Variants in CNTNAP5 observed in about 807,000 individuals in gnomAD.
CNTNAP5 encodes the protein contactin associated protein family member 5, also known as contactin-associated protein-like 5.
Under a neutral mutation model 150.2 loss-of-function variants are expected in CNTNAP5, and 72 were observed. The observed-to-expected ratio is 0.48, with a 90% CI of 0.40 to 0.58. The LOEUF (loss-of-function observed/expected upper bound fraction) is 0.58. CNTNAP5 is among the 20% of genes least tolerant of loss of function. CNTNAP5 has a pLI of 0.00. For synonymous variants in CNTNAP5, 672 were observed against 619.8 expected (o/e 1.08, Z -1.25); for missense variants, 1,636 against 1,626.2 (o/e 1.01, Z -0.10).
At chr2:124,435,450 T>A (rs1692506485) in intron 5 of CNTNAP5, among the ~76,000 whole-genome samples, 1 of 151,902 alleles carries the variant, frequency 6.6e-6, no homozygotes, top group Admixed American at 6.6e-5. Context: ...AGGAGCACAG[T>A]TCCCAAGGAT....
intron 13 of CNTNAP5, among the ~76,000 whole-genome samples, chr2:124,650,071 C>T (rs1167960892): frequency 6.6e-6 from 1 of 152,170 alleles, no homozygotes; most frequent in African/African-American, 2.4e-5. Flanking sequence ...AGACATTCTT[C>T]CATGTGTATA....
At chr2:124,802,820 C>T (rs1242711489) in intron 19 of CNTNAP5, among the ~76,000 whole-genome samples, 2 of 152,100 alleles carry the variant, frequency 1.3e-5, no homozygotes, top group Non-Finnish European at 2.9e-5. Context: ...AAGGATCCTT[C>T]CCTGGCTTTA....
intron 1 of CNTNAP5, among the ~76,000 whole-genome samples, chr2:124,153,937 A>G (rs1033146753): frequency 2.6e-5 from 4 of 151,744 alleles, no homozygotes; most frequent in Admixed American, 2.6e-4. Context: ...CTTTTTTTTA[A>G]TAGGACATTA....
At position 124,651,950 on chromosome 2, in the gene CNTNAP5, G is replaced by A. The variant is rs541284805; in HGVS notation, c.2077+3992G>A. Among the ~76,000 whole-genome samples the A allele has an allele frequency of 2.6e-5, 4 of 152,270 alleles. No individual in the cohort carries two copies. The South Asian group carries it at 6.2e-4, about 24-fold the overall frequency. ...CTGCCTGCTCTCGGCTCCAGCAAGG[G>A]CTCTGGTTCCATTCATTTAGCAGCG... On this transcript the variant is annotated intron_variant, in intron 13 of 23. Coordinates refer to ENST00000682447, the MANE Select transcript of CNTNAP5 (RefSeq NM_001367498.1).
chr2:124,162,977 G>T (rs1684722329), intron 1 of CNTNAP5, among the ~76,000 whole-genome samples: 1 of 150,594 alleles, frequency 6.6e-6, no homozygotes, highest in Non-Finnish European at 1.5e-5. Context: ...GTCATCCCTT[G>T]AAGTTGACAA....
At chr2:124,905,119 T>G (rs565810023) in intron 22 of CNTNAP5, among the ~76,000 whole-genome samples, 34 of 121,092 alleles carry the variant, frequency 2.8e-4, no homozygotes, top group African/African-American at 1.0e-3. Context: ...TTTTTTTGTT[T>G]TTTTTTGTTT....
chr2:124,057,789 G>A (rs1470158343), intron 1 of CNTNAP5, among the ~76,000 whole-genome samples: 1 of 151,902 alleles, frequency 6.6e-6, no homozygotes, highest in Non-Finnish European at 1.5e-5. Flanking sequence ...GTGTGGAGAG[G>A]TAGAAAATGG....
At chr2:124,264,364 A>G (rs114967395) in intron 3 of CNTNAP5, among the ~76,000 whole-genome samples, 1 of 136,088 alleles carries the variant, frequency 7.3e-6, no homozygotes, top group Non-Finnish European at 1.5e-5. Flanking sequence ...CCCTTCCCCC[A>G]CACACACAGG....
intron 19 of CNTNAP5, among the ~76,000 whole-genome samples, chr2:124,863,944 T>C (rs2104718681): frequency 6.6e-6 from 1 of 152,292 alleles, no homozygotes; most frequent in South Asian, 2.1e-4. Context: ...CAATTCCAAT[T>C]ATTTTCCATT....
At chr2:124,700,466 A>T (rs931601326) in intron 13 of CNTNAP5, among the ~76,000 whole-genome samples, 2 of 152,086 alleles carry the variant, frequency 1.3e-5, no homozygotes, top group African/African-American at 4.8e-5. Flanking sequence ...ACCATTTTAC[A>T]TTTTTATTAG....
At chr2:124,630,643 A>G (rs1293871811) in intron 12 of CNTNAP5, among the ~76,000 whole-genome samples, 1 of 152,212 alleles carries the variant, frequency 6.6e-6, no homozygotes, top group African/African-American at 2.4e-5. Context: ...AACTGGAAGC[A>G]TTCCCCTTAA....
In CNTNAP5 at chr2:124,487,828, G is replaced by A. The variant is rs559716877; in HGVS notation, c.1062+12946G>A. 1.5e-3 allele frequency among the ~76,000 whole-genome samples: 223 copies of A among 151,878 alleles called. 1 individual carries two copies. Among genetic ancestry groups the A allele is most frequent in the Middle Eastern group, 0.01 (3 of 292 alleles). ...CCCCCATGTTTTTACCCACAAAATC[G>A]AATGCTTATACTAGGATTTGACAAT... On this transcript the variant is annotated intron_variant, in intron 7 of 23. Transcript: ENST00000682447.
At chr2:124,662,914 G>T (rs1433043719) in intron 13 of CNTNAP5, among the ~76,000 whole-genome samples, 1 of 152,112 alleles carries the variant, frequency 6.6e-6, no homozygotes, top group African/African-American at 2.4e-5. Flanking sequence ...TCTTTATGGA[G>T]GAAACACTTA....
chr2:124,848,015 G>C (rs1683083953), intron 19 of CNTNAP5, among the ~76,000 whole-genome samples: 1 of 152,004 alleles, frequency 6.6e-6, no homozygotes, highest in Non-Finnish European at 1.5e-5. Flanking sequence ...TGACTAATAA[G>C]GATTGAATAC....
At chr2:124,148,256 G>A (rs1015332167) in intron 1 of CNTNAP5, among the ~76,000 whole-genome samples, 20 of 150,656 alleles carry the variant, frequency 1.3e-4, no homozygotes, top group South Asian at 6.3e-4. Context: ...CCAAGATTGC[G>A]CCACTGCATT....
rs1693704930 is a variant in CNTNAP5, at chr2:124,478,918, C to G, written c.1062+4036C>G. ...CCTTTGCCTAACCTAACGTATGCCT[C>G]TTTAGCAGGCTGCATTCAGCAGGCA... On this transcript the variant is annotated intron_variant, in intron 7 of 23. Coordinates refer to ENST00000682447, the MANE Select transcript of CNTNAP5 (RefSeq NM_001367498.1). 2.0e-5 allele frequency among the ~76,000 whole-genome samples: 3 copies of G among 152,160 alleles called. No individual in the cohort carries two copies. In the South Asian group the frequency reaches 6.2e-4, roughly 32 times the overall value.
chr2:124,808,602 G>T (rs1007153427), intron 19 of CNTNAP5, among the ~76,000 whole-genome samples: 1 of 149,542 alleles, frequency 6.7e-6, no homozygotes, highest in African/African-American at 2.5e-5. Context: ...AAAAAAAAAA[G>T]ACAAAGCAAT....
intron 21 of CNTNAP5, among the ~76,000 whole-genome samples, chr2:124,882,992 G>A (rs1677997564): frequency 1.3e-5 from 2 of 151,694 alleles, no homozygotes; most frequent in African/African-American, 4.8e-5. Flanking sequence ...AAATACATGG[G>A]GATTATGGGA....
intron 21 of CNTNAP5, among the ~76,000 whole-genome samples, chr2:124,876,163 A>G (rs1051137039): frequency 6.6e-6 from 1 of 152,176 alleles, no homozygotes; most frequent in Admixed American, 6.6e-5. Context: ...TCCCACTTTT[A>G]AAGTTCCAGA....
Sources: allele counts gnomAD v4.1 joint callset (sites outside exome capture counted in the v4.1 genomes callset), GRCh38; gene constraint gnomAD v4.1.1; transcripts MANE v1.5; gene names NCBI Gene and HGNC (gene_info 2026-07-23, HGNC 2026-07-21).